DOK2: variants seen among roughly 807,000 people sequenced by gnomAD.
DOK2 encodes docking protein 2, also known as docking protein 2, 56kD.
Under a neutral mutation model 26.0 loss-of-function variants are expected in DOK2, and 28 were observed. That is an observed-to-expected ratio of 1.08 (90% CI 0.80 to 1.48). The LOEUF (loss-of-function observed/expected upper bound fraction) is 1.48. Among genes scored for constraint, DOK2 ranks in the 40% most tolerant of loss-of-function variants. DOK2 has a pLI of 0.00. For synonymous variants in DOK2, 282 were observed against 236.9 expected (o/e 1.19, Z -1.75); for missense variants, 682 against 558.2 (o/e 1.22, Z -2.23).
chr8:21,911,821 G>A (rs1809855732), intron 3 of DOK2, 80 bp downstream of exon 3: 5 of 1,411,080 alleles, frequency 3.5e-6, no homozygotes, highest in Middle Eastern at 1.8e-4. Flanking sequence ...GGGGCCAGCA[G>A]CTAGCCAGCC....
Position 21,912,456 on chromosome 8 carries a change from G to C in DOK2, c.118C>G (p.Arg40Gly), listed in dbSNP as rs1057407704. 8 of 1,564,688 alleles carry C rather than the reference G, an allele frequency of 5.1e-6. No homozygotes were observed. Among genetic ancestry groups the C allele is most frequent in the East Asian group, 2.4e-5 (1 of 42,060 alleles). ...LYGGSDCALA[R>G]LELQEGPEKP... Reference sequence around the variant, plus strand: ...TCCGGGCCCTCCTGCAGCTCCAGCCGGGCCAAGGCGCAGTCCGACCCTCCA... The same window carrying C: ...TCCGGGCCCTCCTGCAGCTCCAGCCCGGCCAAGGCGCAGTCCGACCCTCCA... The change falls in exon 2 of 5, where the codon CGG becomes GGG. Residue 40 changes from arginine (R) to glycine (G), a missense_variant. Physicochemically the swap from Arg to Gly is moderately radical, Grantham distance 125. Coordinates refer to ENST00000276420, the MANE Select transcript of DOK2 (RefSeq NM_003974.4).
Position 21,910,758 on chromosome 8 carries a change from G to T in DOK2, c.533C>A (p.Ala178Asp), listed in dbSNP as rs750375145. ...GSYTLRAGESALELWGGPEPG... is the reference protein window; with the variant it reads ...GSYTLRAGESDLELWGGPEPG... Reference sequence around the variant, plus strand: ...CTCGGGCCCACCCCACAGCTCCAGGGCACTCTCCCCAGCCCGGAGGGTATA... The same window carrying T: ...CTCGGGCCCACCCCACAGCTCCAGGTCACTCTCCCCAGCCCGGAGGGTATA... Residue 178 changes from alanine (A) to aspartate (D), a missense_variant, in exon 4 of 5, where the codon GCC becomes GAC. Transcript: ENST00000276420. 1.4e-5 allele frequency: 23 copies of T among 1,613,808 alleles called. No individual in the cohort carries two copies. The highest frequency in any genetic ancestry group is 1.9e-5 in the Non-Finnish European group (23 of 1,179,964).
Position 21,913,582 on chromosome 8 carries a change from T to G in DOK2, c.20A>C (p.Lys7Thr). Residue 7 changes from lysine (K) to threonine (T), a missense_variant, in exon 1 of 5, where the codon AAA becomes ACA. Transcript: ENST00000276420. MGDGAV[K>T]QGFLYLQQQQ... The stretch of plus-strand genomic sequence containing the variant: ...CTGCTGAAGATACAAGAAGCCTTGT[T>G]TCACTGCCCCGTCTCCCATCCTCTG... 6.2e-7 allele frequency: 1 copy of G among 1,613,942 alleles called. No homozygotes were observed. Among genetic ancestry groups the G allele is most frequent in the Non-Finnish European group, 8.5e-7 (1 of 1,179,976 alleles).
intron 3 of DOK2, 83 bp from the exon 4 acceptor site, chr8:21,910,940 C>T (rs1489705398): frequency 5.0e-6 from 7 of 1,411,322 alleles, no homozygotes; most frequent in Admixed American, 5.3e-5. Context: ...TCTAAATGAG[C>T]GTACCAGAAC....
At position 21,909,655 on chromosome 8, in the gene DOK2, A is replaced by C. The variant is rs768672401; in HGVS notation, c.895T>G (p.Tyr299Asp). The C allele has an allele frequency of 2.5e-6, 4 of 1,612,118 alleles. No homozygotes were observed. Among genetic ancestry groups the C allele is most frequent in the Non-Finnish European group, 3.4e-6 (4 of 1,179,890 alleles). The change falls in exon 5 of 5, where the codon TAT (tyrosine) becomes GAT (aspartate). Residue 299 changes from tyrosine to aspartate, a missense_variant. Tyr to Asp is a radical substitution (Grantham distance 160). Coordinates refer to ENST00000276420, the MANE Select transcript of DOK2 (RefSeq NM_003974.4). Reference protein sequence around the residue: ...APRPRGQEGEYAVPFDAVARS... With the variant: ...APRPRGQEGEDAVPFDAVARS... ...GCCACCGCATCGAAGGGCACGGCATACTCCCCCTCCTGGCCCCGAGGCCGT... is the reference window on the plus strand; with the variant it reads ...GCCACCGCATCGAAGGGCACGGCATCCTCCCCCTCCTGGCCCCGAGGCCGT...
intron 1 of DOK2, 97 bp from the exon 2 acceptor site, chr8:21,912,607 T>TG: frequency 1.6e-6 from 2 of 1,236,408 alleles, no homozygotes; most frequent in Non-Finnish European, 2.2e-6. Flanking sequence ...GGAGGGGGAC[T>TG]GGGGCAGCCA....
rs1585396310 is a variant in DOK2 at position 21,909,779 on chromosome 8, T to C, written c.771A>G (p.Pro257=). 5 of 1,613,876 alleles carry C rather than the reference T, an allele frequency of 3.1e-6. No individual in the cohort carries two copies. The East Asian group carries it at 1.1e-4, about 36-fold the overall frequency. Residue 257 remains proline (P), a synonymous_variant, in exon 5 of 5, where the codon CCA becomes CCG. Coordinates refer to ENST00000276420, the MANE Select transcript of DOK2 (RefSeq NM_003974.4). ...GGGGCAGCGACGCGGGGATTGTGGC[T>C]GGCTGCGGTTGGGGTGTAGCGGGTG... ...NAAPATPQPQ[P]ATIPASLPRP...
Position 21,909,947 on chromosome 8 carries a change from A to G in DOK2, c.619-16T>C, listed in dbSNP as rs1198796744. 1 of 1,599,538 alleles carries G rather than the reference A, an allele frequency of 6.3e-7. No homozygotes were observed. Among genetic ancestry groups the G allele is most frequent in the Non-Finnish European group, 8.5e-7 (1 of 1,175,486 alleles). On this transcript the variant is annotated splice_polypyrimidine_tract_variant and intron_variant, in intron 4 of 4. Coordinates refer to ENST00000276420, the MANE Select transcript of DOK2 (RefSeq NM_003974.4). ...AAAAGGTTACCTGGACCAGGGAGAA[A>G]GCAGGTTATTGGCCAGGCCACAGGG...
Position 21,909,193 on chromosome 8 carries a change from C to T in DOK2, c.*118G>A, listed in dbSNP as rs904310494. On this transcript the variant is annotated 3_prime_UTR_variant, in exon 5 of 5. Coordinates refer to ENST00000276420, the MANE Select transcript of DOK2 (RefSeq NM_003974.4). ...GGGAGAGGCAATTTATCAGCCCCAA[C>T]GAAGACAGGCCAGGCCTCGGGCTCC... 45 of 1,305,510 alleles carry T rather than the reference C, an allele frequency of 3.4e-5. No homozygotes were observed. Among genetic ancestry groups the T allele is most frequent in the African/African-American group, 4.4e-5 (3 of 67,488 alleles). The allele number at this position is 1,305,510 out of a possible 1,614,324, so 80.9% of individuals were successfully genotyped here. A position where few individuals can be genotyped will look rare whatever the true frequency, so the allele number is the denominator to read the frequency against.
rs1809726100 is a variant in DOK2 at position 21,909,404 on chromosome 8, C to T, written c.1146G>A (p.Gln382=). 1 of 1,607,744 alleles carries T rather than the reference C, an allele frequency of 6.2e-7. No homozygotes were observed. The highest frequency in any genetic ancestry group is 8.5e-7 in the Non-Finnish European group (1 of 1,176,246). ...ATADRDPAGL[Q]HVQPAGQDFS... is the part of the protein sequence containing the mutation. ...AATCCTGCCCGGCTGGCTGGACATG[C>T]TGGAGGCCAGCAGGGTCCCTGTCAG... The change falls in exon 5 of 5, where the codon CAG becomes CAA. Residue 382 remains glutamine, a synonymous_variant. Transcript: ENST00000276420.
In DOK2 at chr8:21,909,830, C is replaced by G. The variant is rs746093477; in HGVS notation, c.720G>C (p.Glu240Asp). 4.3e-6 allele frequency: 7 copies of G among 1,613,996 alleles called. No individual in the cohort carries two copies. The highest frequency in any genetic ancestry group is 1.6e-4 in the Middle Eastern group (1 of 6,062). Residue 240 changes from glutamate to aspartate, a missense_variant, in exon 5 of 5, where the codon GAG (glutamate) becomes GAC (aspartate). By Grantham distance (45) the Glu-to-Asp change is conservative (BLOSUM62 2). Coordinates refer to ENST00000276420, the MANE Select transcript of DOK2 (RefSeq NM_003974.4). ...CAGCATTCTTCTGGGCAGAGATGGC[C>G]TCTTCCAGGGCCAAGAAGATCTCAT... ...QGNEIFLALE[E>D]AISAQKNAAP...
At chr8:21,909,992 T>C in intron 4 of DOK2, 61 bp from the exon 5 acceptor site, 3 of 1,511,154 alleles carry the variant, frequency 2.0e-6, no homozygotes, top group Non-Finnish European at 2.6e-6. Flanking sequence ...ATTTTTTTTT[T>C]TTTTTTTGGA....
In DOK2 at chr8:21,910,719, A is replaced by G; in HGVS notation, c.572T>C (p.Leu191Pro). 1 of 1,614,102 alleles carries G rather than the reference A, an allele frequency of 6.2e-7. No homozygotes were observed. Among genetic ancestry groups the G allele is most frequent in the Non-Finnish European group, 8.5e-7 (1 of 1,180,036 alleles). ...CAGAAACCTGTAGGGCCAGTCGTAC[A>G]GCTGGGTCCCTGGCTCGGGCCCACC... ...LWGGPEPGTQLYDWPYRFLRR... is the reference protein window; with the variant it reads ...LWGGPEPGTQPYDWPYRFLRR... The change falls in exon 4 of 5, where the codon CTG (leucine) becomes CCG (proline). Residue 191 changes from leucine (L) to proline (P), a missense_variant. Coordinates refer to ENST00000276420, the MANE Select transcript of DOK2 (RefSeq NM_003974.4).
intron 3 of DOK2, 159 bp from the exon 4 acceptor site, chr8:21,911,016 T>C: frequency 1.2e-6 from 1 of 844,406 alleles, no homozygotes; most frequent in Non-Finnish European, 1.8e-6. Flanking sequence ...TGAGCTGCTC[T>C]GTGCCAGGTC....
Sources: allele counts gnomAD v4.1 joint callset, GRCh38; gene constraint gnomAD v4.1.1; transcripts MANE v1.5; gene names NCBI Gene and HGNC (gene_info 2026-07-23, HGNC 2026-07-21).